ZFHX4: variants seen among roughly 807,000 people sequenced by gnomAD.
ZFHX4 encodes the protein zinc finger homeobox protein 4.
ZFHX4 carries 56 observed loss-of-function variants against 267.6 expected under a neutral mutation model. The ratio of observed to expected loss-of-function variants is 0.21; its 90% CI spans 0.17 to 0.26. ZFHX4 has a LOEUF of 0.26. Ranked by LOEUF, ZFHX4 falls within the 10% of genes least tolerant of loss-of-function variation. The probability of loss-of-function intolerance (pLI) is 1.00; values close to 1 mark genes in which losing one functional copy is unlikely to be tolerated. For synonymous variants in ZFHX4, 1,778 were observed against 1,665.6 expected, an observed-to-expected ratio of 1.07 and a Z score of -1.64; for missense variants, 4,332 against 4,420.0, an observed-to-expected ratio of 0.98 and a Z score of 0.56.
At chr8:76,700,115 TTTTA>T (rs1369561979) in intron 1 of ZFHX4, among the ~76,000 whole-genome samples, 1 of 152,106 alleles carries the variant, frequency 6.6e-6, no homozygotes, top group Non-Finnish European at 1.5e-5. Flanking sequence ...ATTCAAGGAT[TTTTA>T]TTTATTTTCT....
intron 4 of ZFHX4, among the ~76,000 whole-genome samples, chr8:76,803,978 AT>A (rs1439242433): frequency 6.6e-6 from 1 of 152,088 alleles, no homozygotes; most frequent in East Asian, 1.9e-4. Flanking sequence ...CAGACTTAGA[AT>A]TTTTGCATTA....
chr8:76,686,235 G>A (rs901824880), intron 1 of ZFHX4, among the ~76,000 whole-genome samples: 11 of 152,146 alleles, frequency 7.2e-5, no homozygotes, highest in Non-Finnish European at 1.3e-4. Flanking sequence ...TCTGTTAAAA[G>A]AAATGCACAT....
At chr8:76,783,009 T>C (rs1370064936) in intron 4 of ZFHX4, among the ~76,000 whole-genome samples, 1 of 152,044 alleles carries the variant, frequency 6.6e-6, no homozygotes, top group Non-Finnish European at 1.5e-5. Flanking sequence ...AGCACAGCAT[T>C]AGCAGAAGAG....
chr8:76,844,401 T>C (rs569803206), intron 6 of ZFHX4, among the ~76,000 whole-genome samples: 1 of 152,116 alleles, frequency 6.6e-6, no homozygotes. Flanking sequence ...TATATGACAT[T>C]ATGCCAGGTC....
At position 76,863,651 on chromosome 8, in the gene ZFHX4, G is replaced by A. The variant is rs1262713492; in HGVS notation, c.9937G>A (p.Gly3313Ser). The A allele has an allele frequency of 1.2e-6, 2 of 1,611,208 alleles. No individual in the cohort carries two copies. The highest frequency in any genetic ancestry group is 1.3e-5 in the African/African-American group (1 of 74,864). The change falls in exon 11 of 11, where the codon GGT (glycine) becomes AGT (serine). Residue 3313 changes from glycine to serine, a missense_variant. Transcript: ENST00000651372. ...MPQTLAGLSP[G>S]ALLQQYQQYQ... ...CCAGACACTGGCAGGTCTGTCCCCA[G>A]GTGCACTGTTGCAGCAGTACCAACA...
chr8:76,739,916 C>A lies in ZFHX4; in HGVS notation c.3093+31868C>A, dbSNP rs371741999. On this transcript the variant is annotated intron_variant, in intron 3 of 10. Coordinates refer to ENST00000651372, the MANE Select transcript of ZFHX4 (RefSeq NM_024721.5). Reference sequence around the variant, plus strand: ...ACCTCCTGAAAAAATGTACTTGTAACTTTCAGTCTCAGATTGCTAGTTAGT... The same window carrying A: ...ACCTCCTGAAAAAATGTACTTGTAAATTTCAGTCTCAGATTGCTAGTTAGT... 4.6e-5 allele frequency among the ~76,000 whole-genome samples: 7 copies of A among 152,112 alleles called. No homozygotes were observed. In the East Asian group the frequency reaches 9.6e-4, roughly 21 times the overall value.
chr8:76,863,753 G>T lies in ZFHX4; in HGVS notation c.10039G>T (p.Ala3347Ser). The T allele has an allele frequency of 6.4e-7, 1 of 1,553,178 alleles. No homozygotes were observed. The highest frequency in any genetic ancestry group is 8.7e-7 in the Non-Finnish European group (1 of 1,147,952). Residue 3347 changes from alanine to serine, a missense_variant, in exon 11 of 11, where the codon GCA becomes TCA. Physicochemically the swap from Ala to Ser is moderately conservative, Grantham distance 99. Coordinates refer to ENST00000651372, the MANE Select transcript of ZFHX4 (RefSeq NM_024721.5). ...AGAACAGCAGCAGAAACCAGTTCAG[G>T]CAAAGACATCCAAAGTAGAAAGTGA... ...QQEQQQKPVQ[A>S]KTSKVESDQP...
intron 3 of ZFHX4, among the ~76,000 whole-genome samples, chr8:76,724,447 T>C (rs926538460): frequency 6.6e-5 from 10 of 152,098 alleles, no homozygotes; most frequent in Admixed American, 2.0e-4. Flanking sequence ...TATTACCCTA[T>C]CTTTCACATT....
chr8:76,764,580 G>A (rs550922443), intron 3 of ZFHX4, among the ~76,000 whole-genome samples: 2 of 152,132 alleles, frequency 1.3e-5, no homozygotes, highest in Admixed American at 6.6e-5. Context: ...AGAATCTTGA[G>A]TATAAAAGAG....
intron 4 of ZFHX4, chr8:76,782,305 A>G (rs916202085): frequency 5.9e-6 from 2 of 338,624 alleles, no homozygotes; most frequent in Non-Finnish European, 1.2e-5. Flanking sequence ...ATGCTAGTAC[A>G]CAGCCACATG....
At chr8:76,738,712 T>TTCTC (rs571087005) in intron 3 of ZFHX4, among the ~76,000 whole-genome samples, 658 of 123,854 alleles carry the variant, frequency 5.3e-3, no homozygotes, top group African/African-American at 0.017. Flanking sequence ...CTCTCTCTCT[T>TTCTC]TCTCTCTCTC....
Position 76,776,779 on chromosome 8 carries a change from A to G in ZFHX4, c.3094-1429A>G, listed in dbSNP as rs138352802. On this transcript the variant is annotated intron_variant, in intron 3 of 10. Transcript: ENST00000651372. ...GAATGACGCTTTAGAACAAAACATCACTTCATTTGATTTTTTAAAAAATAC... is the reference window on the plus strand; with the variant it reads ...GAATGACGCTTTAGAACAAAACATCGCTTCATTTGATTTTTTAAAAAATAC... Among the ~76,000 whole-genome samples, 13 of 152,262 alleles carry G rather than the reference A, an allele frequency of 8.5e-5. 1 individual carries two copies. The highest frequency in any genetic ancestry group is 3.4e-3 in the Middle Eastern group (1 of 294).
At chr8:76,688,853 G>T (rs1026206596) in intron 1 of ZFHX4, among the ~76,000 whole-genome samples, 4 of 152,058 alleles carry the variant, frequency 2.6e-5, no homozygotes, top group African/African-American at 9.7e-5. Context: ...AACCCAACTT[G>T]TTTGTTGCTA....
At chr8:76,835,253 A>ATGTATATATATGTATATATATATATG (rs1812060839) in intron 5 of ZFHX4, among the ~76,000 whole-genome samples, 5 of 136,714 alleles carry the variant, frequency 3.7e-5, no homozygotes, top group East Asian at 4.2e-4. Context: ...ATATATATAT[A>ATGTATATATATGTATATATATATATG]TATATATTCA....
rs556473606 is a variant in ZFHX4, at chr8:76,808,828, G to T, written c.3326-24510G>T. On this transcript the variant is annotated intron_variant, in intron 4 of 10. Transcript: ENST00000651372. Reference sequence around the variant, plus strand: ...CTTATCTGTTTACATATTCAGCAAAGATATTTCAGTCCTTTTCGCACTTAC... The same window carrying T: ...CTTATCTGTTTACATATTCAGCAAATATATTTCAGTCCTTTTCGCACTTAC... 4.6e-5 allele frequency among the ~76,000 whole-genome samples: 7 copies of T among 152,110 alleles called. No individual in the cohort carries two copies. The South Asian group carries it at 1.5e-3, about 32-fold the overall frequency.
At chr8:76,859,503 C>G (rs761330421) in intron 10 of ZFHX4, among the ~76,000 whole-genome samples, 15 of 151,966 alleles carry the variant, frequency 9.9e-5, no homozygotes, top group Non-Finnish European at 2.2e-4. Context: ...TGTTAGCTGG[C>G]TTTGGGATTA....
chr8:76,800,727 C>G (rs1050730144), intron 4 of ZFHX4, among the ~76,000 whole-genome samples: 1 of 152,114 alleles, frequency 6.6e-6, no homozygotes, highest in African/African-American at 2.4e-5. Flanking sequence ...TAAGATGTAC[C>G]AGATTATAAA....
chr8:76,838,443 G>A (rs963843426), intron 5 of ZFHX4, among the ~76,000 whole-genome samples: 3 of 152,170 alleles, frequency 2.0e-5, no homozygotes, highest in African/African-American at 7.2e-5. Flanking sequence ...GCTATGTACA[G>A]AAGGTTGAGT....
In ZFHX4 at chr8:76,762,114, C is replaced by A. The variant is rs557450487; in HGVS notation, c.3094-16094C>A. Among the ~76,000 whole-genome samples, 20 of 152,146 alleles carry A rather than the reference C, an allele frequency of 1.3e-4. No individual in the cohort carries two copies. In the East Asian group the frequency reaches 3.9e-3, roughly 30 times the overall value. ...AGAGAGTGTTTTGTTCTAATAGATA[C>A]CATCATGAATGAGTAAGACACCATC... is the stretch of plus-strand genomic sequence containing the variant. On this transcript the variant is annotated intron_variant, in intron 3 of 10. Transcript: ENST00000651372.
Sources: allele counts gnomAD v4.1 joint callset (sites outside exome capture counted in the v4.1 genomes callset), GRCh38; gene constraint gnomAD v4.1.1; transcripts MANE v1.5; gene names NCBI Gene and HGNC (gene_info 2026-07-23, HGNC 2026-07-21).